Variants in NBAS observed in about 807,000 individuals in gnomAD.
NBAS encodes NBAS subunit of NRZ tethering complex.
In NBAS, 219 loss-of-function variants were observed where a neutral mutation model predicts 302.5. The ratio of observed to expected loss-of-function variants is 0.72; its 90% CI spans 0.65 to 0.81. The LOEUF is 0.81. NBAS is among the 30% of genes least tolerant of loss of function. The probability of loss-of-function intolerance (pLI) is 0.00; values close to 1 mark genes in which losing one functional copy is unlikely to be tolerated. For missense variants in NBAS, 2,932 were observed against 2,841.6 expected (o/e 1.03, Z -0.72); for synonymous variants, 1,118 against 1,021.6 (o/e 1.09, Z -1.80).
chr2:15,239,496 C>G (rs955768868), intron 44 of NBAS, among the ~76,000 whole-genome samples: 3 of 150,958 alleles, frequency 2.0e-5, no homozygotes, highest in Non-Finnish European at 2.9e-5. Context: ...TTTTGGAATA[C>G]TTGCTAATTT....
chr2:14,968,481 T>C, the NBAS span, among the ~76,000 whole-genome samples: 1 of 152,138 alleles, frequency 6.6e-6, no homozygotes, highest in Non-Finnish European at 1.5e-5. Context: ...AGCTGGAATG[T>C]AGTAGCTACT....
intron 50 of NBAS, chr2:15,179,372 A>G: frequency 6.4e-6 from 3 of 471,778 alleles, no homozygotes; most frequent in Non-Finnish European, 7.8e-6. Context: ...TGTAATGCTC[A>G]TTGTACAGAT....
At chr2:14,895,596 G>A in the NBAS span, among the ~76,000 whole-genome samples, 1 of 152,100 alleles carries the variant, frequency 6.6e-6, no homozygotes, top group African/African-American at 2.4e-5. Context: ...AAAATTAGCC[G>A]GGTGTGGTAG....
intron 44 of NBAS, among the ~76,000 whole-genome samples, chr2:15,259,078 G>A (rs879851503): frequency 5.9e-5 from 9 of 152,036 alleles, no homozygotes; most frequent in Non-Finnish European, 1.2e-4. Context: ...GGGTTCCCCC[G>A]ATACATCAAT....
the NBAS span, among the ~76,000 whole-genome samples, chr2:15,038,699 G>A: frequency 5.5e-5 from 5 of 91,134 alleles, no homozygotes; most frequent in African/African-American, 1.5e-4. Context: ...CCTCCCCGAG[G>A]ACAAGCAGCA....
chr2:15,551,257 C>T (rs1664368655), intron 6 of NBAS, among the ~76,000 whole-genome samples: 2 of 151,646 alleles, frequency 1.3e-5, no homozygotes, highest in Non-Finnish European at 2.9e-5. Flanking sequence ...ATACTTCATC[C>T]CATAACTGGC....
chr2:15,398,057 C>T (rs562334595), intron 26 of NBAS, among the ~76,000 whole-genome samples: 1 of 152,112 alleles, frequency 6.6e-6, no homozygotes, highest in African/African-American at 2.4e-5. Context: ...AATTATTCAT[C>T]AGAGCTAACT....
At chr2:14,936,728 A>G in the NBAS span, among the ~76,000 whole-genome samples, 1 of 152,200 alleles carries the variant, frequency 6.6e-6, no homozygotes, top group East Asian at 1.9e-4. Context: ...GGCTGGAGAT[A>G]CGTGCTGGAA....
chr2:15,065,109 T>C, the NBAS span, among the ~76,000 whole-genome samples: 1 of 152,142 alleles, frequency 6.6e-6, no homozygotes, highest in Admixed American at 6.5e-5. Context: ...ATAAAAATTA[T>C]GTAAGATATG....
At chr2:15,282,224 C>T (rs72776647) in intron 42 of NBAS, among the ~76,000 whole-genome samples, 3,111 of 152,218 alleles carry the variant, frequency 0.02, 49 homozygotes, top group Non-Finnish European at 0.033. Flanking sequence ...GTTAGATGCT[C>T]CCTCTCTCTC....
At chr2:15,283,383 C>T (rs778342499) in intron 42 of NBAS, among the ~76,000 whole-genome samples, 6 of 151,988 alleles carry the variant, frequency 3.9e-5, no homozygotes, top group Non-Finnish European at 7.4e-5. Flanking sequence ...GGGAGGAACC[C>T]GGTGGGAGGT....
In NBAS at chr2:15,397,684, G is replaced by A. The variant is rs184849746; in HGVS notation, c.3072-1209C>T. 47 of 516,738 alleles carry A rather than the reference G, an allele frequency of 9.1e-5. No homozygotes were observed. In the African/African-American group the frequency reaches 9.2e-4, roughly 10 times the overall value. 32.0% of individuals were successfully genotyped at this position (516,738 alleles called of 1,614,324 possible). A position where few individuals can be genotyped will look rare whatever the true frequency, so the allele number is the denominator to read the frequency against. ...AAATGACGAATTTCTTAATGCCCTT[G>A]TACTCGGGCACACATTGGGCACAGT... On this transcript the variant is annotated intron_variant, in intron 26 of 51. Transcript: ENST00000281513.
chr2:15,531,406 A>G (rs1159889978), intron 9 of NBAS, among the ~76,000 whole-genome samples: 3 of 152,196 alleles, frequency 2.0e-5, no homozygotes, highest in Non-Finnish European at 4.4e-5. Context: ...CTGATCTCGC[A>G]TGATCTCAGA....
chr2:15,261,811 A>G (rs1252007484), intron 44 of NBAS, among the ~76,000 whole-genome samples: 1 of 152,240 alleles, frequency 6.6e-6, no homozygotes, highest in African/African-American at 2.4e-5. Context: ...ACAAAATTTG[A>G]AAGCATTCAT....
chr2:14,989,293 A>ATGTGTGTGTG, the NBAS span, among the ~76,000 whole-genome samples: 1,137 of 148,114 alleles, frequency 7.7e-3, 13 homozygotes, highest in African/African-American at 0.021. Flanking sequence ...ATGTATGTGT[A>ATGTGTGTGTG]TGTGTGTGTG....
intron 48 of NBAS, among the ~76,000 whole-genome samples, chr2:15,215,887 T>C (rs1416460376): frequency 6.6e-6 from 1 of 152,180 alleles, no homozygotes; most frequent in Non-Finnish European, 1.5e-5. Flanking sequence ...TTTCTACTAC[T>C]CTAGTGAAAG....
At chr2:15,291,713 C>A (rs1318010298) in intron 41 of NBAS, among the ~76,000 whole-genome samples, 1 of 152,144 alleles carries the variant, frequency 6.6e-6, no homozygotes, top group Non-Finnish European at 1.5e-5. Context: ...CAGATAAAGT[C>A]ACCCTGAACA....
At chr2:15,178,790 G>A (rs1664676276) in intron 51 of NBAS, among the ~76,000 whole-genome samples, 198 bp downstream of exon 51, 1 of 152,124 alleles carries the variant, frequency 6.6e-6, no homozygotes, top group Non-Finnish European at 1.5e-5. Context: ...CTGGTTCACG[G>A]GAAGAGCTTA....
chr2:14,992,788 C>G, the NBAS span, among the ~76,000 whole-genome samples: 1 of 152,174 alleles, frequency 6.6e-6, no homozygotes, highest in African/African-American at 2.4e-5. Flanking sequence ...AACAAACACT[C>G]TCCTCCACCA....
Sources: gnomAD v4.1 joint callset for allele counts (sites outside exome capture counted in the v4.1 genomes callset) on GRCh38, gnomAD v4.1.1 for gene constraint, MANE v1.5 for transcripts, NCBI Gene and HGNC (gene_info 2026-07-23, HGNC 2026-07-21) for gene names.